METTL15: variants seen among roughly 807,000 people sequenced by gnomAD.
METTL15 encodes methyltransferase 15, mitochondrial 12S rRNA N4-cytidine.
A neutral mutation model predicts 38.3 loss-of-function variants in METTL15; 34 were observed. That is an observed-to-expected ratio of 0.89 (90% CI 0.68 to 1.18). The LOEUF is 1.18. Ranked by LOEUF, METTL15 falls within the 50% of genes most tolerant of loss-of-function variation. The probability of loss-of-function intolerance (pLI) is 0.00; values close to 1 mark genes in which losing one functional copy is unlikely to be tolerated. For synonymous variants in METTL15, 162 were observed against 170.9 expected, an observed-to-expected ratio of 0.95 and a Z score of 0.41; for missense variants, 438 against 498.4, an observed-to-expected ratio of 0.88 and a Z score of 1.15.
At chr11:28,379,905 T>A (rs1850362710) in intron 5 of METTL15, among the ~76,000 whole-genome samples, 1 of 152,198 alleles carries the variant, frequency 6.6e-6, no homozygotes, top group South Asian at 2.1e-4. Context: ...GATGGTTGTG[T>A]AGATATTTAT....
intron 3 of METTL15, chr11:28,125,816 ACTTAC>A (rs1336917238): frequency 6.6e-6 from 1 of 152,114 alleles, no homozygotes; most frequent in African/African-American, 2.4e-5. Flanking sequence ...TGAAATGTAA[ACTTAC>A]CTTATAGTAT....
rs185074312 is a variant in METTL15 at position 28,367,942 on chromosome 11, C to A, written c.*358+5906C>A. Among the ~76,000 whole-genome samples, 16 of 151,900 alleles carry A rather than the reference C, an allele frequency of 1.1e-4. No homozygotes were observed. The East Asian group carries it at 3.1e-3, about 29-fold the overall frequency. On this transcript the variant is annotated intron_variant and NMD_transcript_variant, in intron 5 of 7. Coordinates refer to the METTL15 transcript ENST00000532947. Reference sequence around the variant, plus strand: ...CTTTTACAACTTATACAAAAATCAACTCAAGATGGATCAAAGACTTAAACG... The same window carrying A: ...CTTTTACAACTTATACAAAAATCAAATCAAGATGGATCAAAGACTTAAACG...
chr11:28,475,325 G>A (rs374604867), intron 6 of METTL15, among the ~76,000 whole-genome samples: 85 of 152,292 alleles, frequency 5.6e-4, no homozygotes, highest in African/African-American at 2.0e-3. Flanking sequence ...GCTTGGTGGT[G>A]TGAAGTCACT....
chr11:28,371,295 A>G (rs192508993), intron 5 of METTL15, among the ~76,000 whole-genome samples: 1 of 152,152 alleles, frequency 6.6e-6, no homozygotes, highest in East Asian at 1.9e-4. Context: ...TCCTTTCACT[A>G]TTGTATGTTC....
intron 4 of METTL15, among the ~76,000 whole-genome samples, chr11:28,233,253 G>C (rs977071266): frequency 1.3e-5 from 2 of 151,952 alleles, no homozygotes. Flanking sequence ...TAATAACATA[G>C]ATAATAATTA....
rs1430106001 is a variant in METTL15 at position 28,332,439 on chromosome 11, T to C, written c.*1598T>C. ...ATTCAACAATCTTTCACCTATTTCA[T>C]AAGTCATTTTTTCACCCTGTATAGT... On this transcript the variant is annotated 3_prime_UTR_variant, in exon 7 of 7. Transcript: ENST00000407364. The C allele has an allele frequency of 2.0e-5, 3 of 152,056 alleles. No homozygotes were observed. The highest frequency in any genetic ancestry group is 4.4e-5 in the Non-Finnish European group (3 of 68,008). The allele number at this position is 152,056 out of a possible 1,614,324, so 9.4% of individuals were successfully genotyped here.
At chr11:28,277,973 T>C (rs1431244809) in intron 4 of METTL15, among the ~76,000 whole-genome samples, 2 of 152,138 alleles carry the variant, frequency 1.3e-5, no homozygotes, top group Non-Finnish European at 2.9e-5. Context: ...ATAAATTCAG[T>C]GTTTGATTGC....
intron 3 of METTL15, among the ~76,000 whole-genome samples, chr11:28,182,493 C>T (rs1167094044): frequency 6.6e-6 from 1 of 152,142 alleles, no homozygotes; most frequent in African/African-American, 2.4e-5. Flanking sequence ...GTTTTCCCTA[C>T]ACCATATATT....
rs1397184694 is a variant in METTL15, at chr11:28,211,005, G to A, written c.271-57G>A. The A allele has an allele frequency of 2.0e-6, 3 of 1,522,852 alleles. No individual in the cohort carries two copies. The African/African-American group carries it at 4.2e-5, about 21-fold the overall frequency. The allele number at this position is 1,522,852 out of a possible 1,614,324, so 94.3% of individuals were successfully genotyped here. ...TGTGCTTCTAGAAATTGAGATAGTT[G>A]TCAAGAATAAGTTTTGTTTATGCTA... On this transcript the variant is annotated intron_variant, in intron 3 of 6. Coordinates refer to ENST00000407364, the MANE Select transcript of METTL15 (RefSeq NM_001113528.2).
At chr11:28,350,294 G>C (rs975436606) in intron 3 of METTL15, among the ~76,000 whole-genome samples, 1 of 151,902 alleles carries the variant, frequency 6.6e-6, no homozygotes, top group Non-Finnish European at 1.5e-5. Context: ...ATTTGCAAGA[G>C]GATAATTTTA....
chr11:28,253,114 T>G (rs1484256156), intron 4 of METTL15, among the ~76,000 whole-genome samples: 2 of 152,132 alleles, frequency 1.3e-5, no homozygotes, highest in Admixed American at 1.3e-4. Context: ...ACTGATACCT[T>G]TGTAATTTAT....
At chr11:28,135,742 C>T (rs12226598) in intron 3 of METTL15, among the ~76,000 whole-genome samples, 9,280 of 152,164 alleles carry the variant, frequency 0.061, 623 homozygotes, top group East Asian at 0.36. Flanking sequence ...AGATGCCAGG[C>T]GGGGAGAAAT....
chr11:28,287,962 TG>T (rs1403791832), intron 4 of METTL15, among the ~76,000 whole-genome samples: 1 of 152,108 alleles, frequency 6.6e-6, no homozygotes, highest in Non-Finnish European at 1.5e-5. Flanking sequence ...TGACCCTGCA[TG>T]GCAAGTAATG....
intron 3 of METTL15, among the ~76,000 whole-genome samples, chr11:28,137,369 A>T (rs1590789524): frequency 6.6e-6 from 1 of 152,212 alleles, no homozygotes; most frequent in South Asian, 2.1e-4. Context: ...ATCTTTTACT[A>T]AAAACACATT....
intron 5 of METTL15, among the ~76,000 whole-genome samples, chr11:28,399,957 A>G (rs1850614610): frequency 6.6e-6 from 1 of 151,962 alleles, no homozygotes; most frequent in Non-Finnish European, 1.5e-5. Flanking sequence ...TTTATATACC[A>G]CAACGTAGCA....
intron 5 of METTL15, among the ~76,000 whole-genome samples, chr11:28,292,012 T>G (rs1389969854): frequency 2.0e-5 from 3 of 152,080 alleles, no homozygotes; most frequent in Non-Finnish European, 4.4e-5. Flanking sequence ...AGACTATAAC[T>G]TAATCAAAAG....
At chr11:28,299,361 A>G (rs1388468469) in intron 6 of METTL15, among the ~76,000 whole-genome samples, 1 of 152,060 alleles carries the variant, frequency 6.6e-6, no homozygotes, top group Non-Finnish European at 1.5e-5. Context: ...AATTTGATTG[A>G]ATTTTTTTTA....
rs1590334825 is a variant in METTL15, at chr11:28,331,807, A to G, written c.*966A>G. ...TCACATGTCAATTTTTTATAGTAAT[A>G]TGTACTTCTAATTTATTATTTATAC... is the stretch of plus-strand genomic sequence containing the variant. On this transcript the variant is annotated 3_prime_UTR_variant, in exon 7 of 7. Coordinates refer to ENST00000407364, the MANE Select transcript of METTL15 (RefSeq NM_001113528.2). The G allele has an allele frequency of 6.6e-6, 1 of 152,244 alleles. No individual in the cohort carries two copies. Among genetic ancestry groups the G allele is most frequent in the East Asian group, 1.9e-4 (1 of 5,206 alleles). 9.4% of individuals were successfully genotyped at this position (152,244 alleles called of 1,614,324 possible).
chr11:28,233,808 T>TA (rs1483944466), intron 4 of METTL15, among the ~76,000 whole-genome samples: 3 of 151,994 alleles, frequency 2.0e-5, no homozygotes, highest in Admixed American at 6.6e-5. Context: ...TTTCTTTTTT[T>TA]TTATTATTAT....
Sources: gnomAD v4.1 joint callset for allele counts (sites outside exome capture counted in the v4.1 genomes callset) on GRCh38, gnomAD v4.1.1 for gene constraint, MANE v1.5 for transcripts, NCBI Gene and HGNC (gene_info 2026-07-23, HGNC 2026-07-21) for gene names.